The following PDE7B variants were observed in gnomAD, a reference collection of about 807,000 sequenced individuals.
PDE7B encodes phosphodiesterase 7B.
In PDE7B, 29 loss-of-function variants were observed where a neutral mutation model predicts 56.2. The observed-to-expected ratio is 0.52, with a 90% CI of 0.38 to 0.70. The LOEUF (loss-of-function observed/expected upper bound fraction) is 0.70. Among genes scored for constraint, PDE7B ranks in the 30% least tolerant of loss-of-function variants. The pLI is 0.00. For missense variants in PDE7B, 490 were observed against 565.0 expected, an observed-to-expected ratio of 0.87 and a Z score of 1.35; for synonymous variants, 197 against 196.9, an observed-to-expected ratio of 1.00 and a Z score of 0.00.
At chr6:135,878,631 A>C (rs1313554819) in intron 1 of PDE7B, among the ~76,000 whole-genome samples, 1 of 152,196 alleles carries the variant, frequency 6.6e-6, no homozygotes, top group Non-Finnish European at 1.5e-5. Flanking sequence ...AGGGATCAAA[A>C]CTTTTAGCAC....
chr6:135,854,146 C>T (rs1057347462), intron 1 of PDE7B, among the ~76,000 whole-genome samples: 2 of 152,272 alleles, frequency 1.3e-5, no homozygotes, highest in Non-Finnish European at 2.9e-5. Flanking sequence ...AATGCCTCAG[C>T]CTAGTAATTA....
intron 10 of PDE7B, 125 bp downstream of exon 10, chr6:136,179,266 A>G: frequency 1.3e-6 from 1 of 793,720 alleles, no homozygotes; most frequent in Non-Finnish European, 2.1e-6. Context: ...ACTTGAGTCC[A>G]TGAGTTCAAG....
chr6:136,111,111 A>G (rs1777739837), intron 3 of PDE7B: 1 of 152,078 alleles, frequency 6.6e-6, no homozygotes. Flanking sequence ...TCTGTAACAT[A>G]TTGCAGATGC....
intron 3 of PDE7B, among the ~76,000 whole-genome samples, chr6:136,126,492 T>C (rs373448095): frequency 6.6e-6 from 1 of 152,190 alleles, no homozygotes; most frequent in Middle Eastern, 3.2e-3. Flanking sequence ...ATGAAAAAGA[T>C]ACTTGCACGT....
chr6:136,151,087 T>C (rs1778504660), intron 5 of PDE7B, 73 bp from the exon 6 acceptor site: 2 of 787,026 alleles, frequency 2.5e-6, no homozygotes, highest in East Asian at 4.9e-5. Context: ...ACAGAGACTT[T>C]AGGTCTTATT....
chr6:135,934,037 T>A (rs1774344872), intron 1 of PDE7B, among the ~76,000 whole-genome samples: 1 of 152,184 alleles, frequency 6.6e-6, no homozygotes, highest in African/African-American at 2.4e-5. Flanking sequence ...CTCACCTCTA[T>A]TTGGTATTTG....
In PDE7B at chr6:135,947,504, C is replaced by T. The variant is rs768208463; in HGVS notation, c.62C>T (p.Ala21Val). The stretch of plus-strand genomic sequence containing the variant: ...TTGTTTGAGAACCCCGATCAGAATG[C>T]CAAATGTGTTTGCATGCTGGGTAAG... Reference protein sequence around the residue: ...EILFENPDQNAKCVCMLGDIR... With the variant: ...EILFENPDQNVKCVCMLGDIR... The change falls in exon 2 of 13, where the codon GCC becomes GTC. Residue 21 changes from alanine to valine, a missense_variant. Coordinates refer to ENST00000308191, the MANE Select transcript of PDE7B (RefSeq NM_018945.4). 1 of 1,611,488 alleles carries T rather than the reference C, an allele frequency of 6.2e-7. No homozygotes were observed. Among genetic ancestry groups the T allele is most frequent in the South Asian group, 1.1e-5 (1 of 91,004 alleles).
chr6:135,969,597 C>CT (rs1288502042), intron 2 of PDE7B, among the ~76,000 whole-genome samples: 1 of 152,074 alleles, frequency 6.6e-6, no homozygotes, highest in Non-Finnish European at 1.5e-5. Context: ...GGACCCCTTC[C>CT]TTACAACTTA....
chr6:136,118,610 C>T (rs1436545877), intron 3 of PDE7B, among the ~76,000 whole-genome samples: 2 of 152,134 alleles, frequency 1.3e-5, no homozygotes, highest in Non-Finnish European at 2.9e-5. Context: ...AGAATTTAAA[C>T]CCCAAATATA....
chr6:135,903,326 A>T (rs1776038936), intron 1 of PDE7B, among the ~76,000 whole-genome samples: 1 of 152,170 alleles, frequency 6.6e-6, no homozygotes, highest in Admixed American at 6.5e-5. Flanking sequence ...CTTGCTAAAG[A>T]TTGCACAGCT....
intron 2 of PDE7B, among the ~76,000 whole-genome samples, chr6:136,073,594 A>G (rs1320136377): frequency 6.6e-6 from 1 of 152,134 alleles, no homozygotes; most frequent in Non-Finnish European, 1.5e-5. Context: ...TGCACTAGTC[A>G]TAATGGATTA....
intron 2 of PDE7B, among the ~76,000 whole-genome samples, chr6:135,981,698 C>G (rs1426299776): frequency 6.6e-6 from 1 of 151,322 alleles, no homozygotes; most frequent in East Asian, 2.0e-4. Flanking sequence ...CTGCCATCTC[C>G]TACTATAACA....
chr6:136,068,227 C>T (rs1776979265), intron 2 of PDE7B, among the ~76,000 whole-genome samples: 1 of 152,094 alleles, frequency 6.6e-6, no homozygotes, highest in Non-Finnish European at 1.5e-5. Context: ...TCCAACAGTA[C>T]ATGAAAGATG....
intron 3 of PDE7B, chr6:136,115,083 T>C (rs550350434): frequency 2.1e-4 from 32 of 152,226 alleles, no homozygotes; most frequent in African/African-American, 7.2e-4. Flanking sequence ...GTGCTGGAGA[T>C]ACAAAGATGA....
rs1318006516 is a variant in PDE7B, at chr6:136,037,412, C to CAGAT, written c.83-71316_83-71313dup. The CAGAT allele has an allele frequency of 1.0e-5, 10 of 985,082 alleles. No individual in the cohort carries two copies. In the African/African-American group the frequency reaches 1.7e-4, roughly 17 times the overall value. 61.0% of individuals were successfully genotyped at this position (985,082 alleles called of 1,614,324 possible). A position where few individuals can be genotyped will look rare whatever the true frequency, so the allele number is the denominator to read the frequency against. ...GGGATTTGACTAATAGGTCATAACC[C>CAGAT]AGATAGGTTTGCCGAGAACCAAATG... is the stretch of plus-strand genomic sequence containing the variant. On this transcript the variant is annotated intron_variant, in intron 2 of 12. Coordinates refer to ENST00000308191, the MANE Select transcript of PDE7B (RefSeq NM_018945.4).
In PDE7B at chr6:136,183,478, C is replaced by T. The variant is rs936264845; in HGVS notation, c.1045+2155C>T. ...GGGCATGGTGGCGGGCACCTGTAGT[C>T]CCAGTTACTTGGGAGGCTGAGGCAG... On this transcript the variant is annotated intron_variant, in intron 11 of 12. Coordinates refer to ENST00000308191, the MANE Select transcript of PDE7B (RefSeq NM_018945.4). Among the ~76,000 whole-genome samples the T allele has an allele frequency of 9.3e-5, 14 of 151,206 alleles. No homozygotes were observed. In the Admixed American group the frequency reaches 9.4e-4, roughly 10 times the overall value.
intron 2 of PDE7B, among the ~76,000 whole-genome samples, chr6:135,990,555 G>A (rs925157549): frequency 1.3e-5 from 2 of 152,172 alleles, no homozygotes; most frequent in South Asian, 2.1e-4. Flanking sequence ...TACAACCTGG[G>A]CGGCAGCATC....
At chr6:136,038,042 G>T in intron 2 of PDE7B, 1 of 1,331,722 alleles carries the variant, frequency 7.5e-7, no homozygotes, top group South Asian at 1.2e-5. Flanking sequence ...CTAGGGAAGT[G>T]AATCGCTCTC....
At chr6:135,965,662 A>T (rs556045437) in intron 2 of PDE7B, among the ~76,000 whole-genome samples, 70 of 152,220 alleles carry the variant, frequency 4.6e-4, no homozygotes, top group African/African-American at 1.6e-3. Flanking sequence ...ATTCACTATT[A>T]TGAGAACAGC....
Sources: gnomAD v4.1 joint callset for allele counts (sites outside exome capture counted in the v4.1 genomes callset) on GRCh38, gnomAD v4.1.1 for gene constraint, MANE v1.5 for transcripts, NCBI Gene and HGNC (gene_info 2026-07-23, HGNC 2026-07-21) for gene names.